OMA1: variants seen among roughly 807,000 people sequenced by gnomAD.
OMA1 encodes OMA1 zinc metallopeptidase.
Under a neutral mutation model 30.9 loss-of-function variants are expected in OMA1, and 38 were observed. That is an observed-to-expected ratio of 1.23 (90% CI 0.95 to 1.61). The LOEUF is 1.61. Ranked by LOEUF, OMA1 falls within the 40% of genes most tolerant of loss-of-function variation. OMA1 has a pLI of 0.00. For missense variants in OMA1, 461 were observed against 349.2 expected (o/e 1.32, Z -2.55); for synonymous variants, 173 against 121.9 (o/e 1.42, Z -2.76).
At chr1:58,500,178 T>C (rs1163534215) in intron 8 of OMA1, among the ~76,000 whole-genome samples, 2 of 152,186 alleles carry the variant, frequency 1.3e-5, no homozygotes, top group African/African-American at 2.4e-5. Context: ...ACACATCACA[T>C]GCACCATAAT....
chr1:58,543,253 T>G (rs781762365), intron 1 of OMA1, among the ~76,000 whole-genome samples: 1 of 152,364 alleles, frequency 6.6e-6, no homozygotes, highest in African/African-American at 2.4e-5. Context: ...GTTATACATT[T>G]GTTTTTGTAA....
chr1:58,543,671 T>C (rs983377044), intron 1 of OMA1, among the ~76,000 whole-genome samples: 4 of 152,188 alleles, frequency 2.6e-5, no homozygotes, highest in Non-Finnish European at 4.4e-5. Flanking sequence ...CAGGTAATCA[T>C]TTAAAAAATG....
chr1:58,502,622 TGTA>T (rs909642594), intron 8 of OMA1, among the ~76,000 whole-genome samples: 6 of 152,200 alleles, frequency 3.9e-5, no homozygotes, highest in Admixed American at 3.3e-4. Context: ...AATTTCAAAA[TGTA>T]GTAGTAGTAT....
chr1:58,509,711 G>C (rs1222496714), intron 7 of OMA1, among the ~76,000 whole-genome samples: 2 of 150,462 alleles, frequency 1.3e-5, no homozygotes, highest in Non-Finnish European at 3.0e-5. Context: ...TTAAAACTAA[G>C]AGCTTTTTGG....
chr1:58,509,701 T>A (rs1490828820), intron 7 of OMA1, among the ~76,000 whole-genome samples: 4 of 148,084 alleles, frequency 2.7e-5, no homozygotes, highest in East Asian at 4.0e-4. Flanking sequence ...TAGAAAAAAA[T>A]TAAAACTAAG....
intron 8 of OMA1, among the ~76,000 whole-genome samples, chr1:58,486,654 A>G (rs1214704338): frequency 6.6e-6 from 1 of 152,232 alleles, no homozygotes; most frequent in East Asian, 1.9e-4. Flanking sequence ...AGGTAATTTT[A>G]GTTAAGTACA....
Position 58,488,064 on chromosome 1 carries a change from T to C in OMA1, c.1366-6890A>G, listed in dbSNP as rs961875576. Among the ~76,000 whole-genome samples, 3 of 152,190 alleles carry C rather than the reference T, an allele frequency of 2.0e-5. No individual in the cohort carries two copies. The South Asian group carries it at 6.2e-4, about 31-fold the overall frequency. ...TATTTGAGACATTTATAGTTCTATA[T>C]TTCTTTTCTCTTTTTCTAATATAGA... On this transcript the variant is annotated intron_variant, in intron 8 of 8. Coordinates refer to ENST00000371226, the MANE Select transcript of OMA1 (RefSeq NM_145243.5).
intron 1 of OMA1, among the ~76,000 whole-genome samples, chr1:58,546,280 C>T (rs910155461): frequency 1.3e-5 from 2 of 152,234 alleles, no homozygotes; most frequent in South Asian, 2.1e-4. Flanking sequence ...AGGCGGTCCC[C>T]TCTGGCAGAG....
At chr1:58,533,166 C>A (rs559470485) in intron 5 of OMA1, among the ~76,000 whole-genome samples, 74 of 152,192 alleles carry the variant, frequency 4.9e-4, no homozygotes, top group African/African-American at 1.8e-3. Context: ...TTTTCCTGGA[C>A]TTATATCAAG....
At chr1:58,513,517 C>T (rs1646113387) in intron 7 of OMA1, among the ~76,000 whole-genome samples, 1 of 152,160 alleles carries the variant, frequency 6.6e-6, no homozygotes, top group Admixed American at 6.5e-5. Flanking sequence ...GGTAACCTTT[C>T]CTTCTTAAAA....
At chr1:58,525,337 C>T (rs181391972) in intron 7 of OMA1, among the ~76,000 whole-genome samples, 163 of 152,132 alleles carry the variant, frequency 1.1e-3, no homozygotes, top group African/African-American at 3.9e-3. Flanking sequence ...TGGATCTACA[C>T]AGCTCAAAAA....
intron 8 of OMA1, among the ~76,000 whole-genome samples, chr1:58,493,219 C>T (rs1407886500): frequency 1.3e-5 from 2 of 152,074 alleles, no homozygotes; most frequent in Non-Finnish European, 2.9e-5. Flanking sequence ...TTCAACAGCC[C>T]TTCATGCTAA....
chr1:58,517,418 C>T (rs376172736), intron 7 of OMA1, among the ~76,000 whole-genome samples: 75 of 152,306 alleles, frequency 4.9e-4, no homozygotes, highest in African/African-American at 1.8e-3. Context: ...AAACACTACA[C>T]CTATCAACAT....
chr1:58,534,452 TG>T (rs1374712693), intron 3 of OMA1, 121 bp from the exon 4 acceptor site: 53 of 563,158 alleles, frequency 9.4e-5, no homozygotes, highest in Non-Finnish European at 1.6e-4. Context: ...TATAAAAATC[TG>T]CATATATTAA....
chr1:58,490,190 T>C (rs540872712), intron 8 of OMA1, among the ~76,000 whole-genome samples: 234 of 152,206 alleles, frequency 1.5e-3, no homozygotes, highest in Non-Finnish European at 2.7e-3. Flanking sequence ...GTTAAAAATC[T>C]TGAAAAAAGA....
intron 7 of OMA1, among the ~76,000 whole-genome samples, chr1:58,510,145 C>A: frequency 1.3e-5 from 1 of 76,654 alleles, no homozygotes; most frequent in African/African-American, 7.0e-5. Context: ...ATGAGGCCAG[C>A]CATTACCCTG....
At chr1:58,494,048 T>C (rs1168252741) in intron 8 of OMA1, among the ~76,000 whole-genome samples, 1 of 152,072 alleles carries the variant, frequency 6.6e-6, no homozygotes, top group Non-Finnish European at 1.5e-5. Flanking sequence ...CAAAACAGCA[T>C]GGTACTGGTA....
Position 58,534,034 on chromosome 1 carries a change from T to C in OMA1, c.930A>G (p.Gly310=). ...GAATATCGGTTACACTATTTAAAAA[T>C]CCAGTGAAAACAAACATTTGTCCAT... The part of the protein sequence containing the change: ...LPNGQMFVFT[G]FLNSVTDIHQ... The change falls in exon 5 of 9, where the codon GGA becomes GGG. Residue 310 remains glycine, a synonymous_variant. Coordinates refer to ENST00000371226, the MANE Select transcript of OMA1 (RefSeq NM_145243.5). 1 of 870,760 alleles carries C rather than the reference T, an allele frequency of 1.1e-6. No individual in the cohort carries two copies. 53.9% of individuals were successfully genotyped at this position (870,760 alleles called of 1,614,324 possible).
chr1:58,481,035 T>C lies in OMA1; in HGVS notation c.1505A>G (p.Asp502Gly), dbSNP rs149689309. 231 of 871,920 alleles carry C rather than the reference T, an allele frequency of 2.6e-4. 1 individual carries two copies. The highest frequency in any genetic ancestry group is 1.9e-3 in the South Asian group (145 of 76,518). 54.0% of individuals were successfully genotyped at this position (871,920 alleles called of 1,614,324 possible). The change falls in exon 9 of 9, where the codon GAT (aspartate) becomes GGT (glycine). Residue 502 changes from aspartate (D) to glycine (G), a missense_variant. Physicochemically the swap from Asp to Gly is moderately conservative, Grantham distance 94 (BLOSUM62 -1). Coordinates refer to ENST00000371226, the MANE Select transcript of OMA1 (RefSeq NM_145243.5). Reference sequence around the variant, plus strand: ...CTCCTGTTTTTGAATAGGAAGAGTATCCATTTTCTGTTTCTTCGTGATATT... The same window carrying C: ...CTCCTGTTTTTGAATAGGAAGAGTACCCATTTTCTGTTTCTTCGTGATATT... ...DLNITKKQKMDTLPIQKQEQI... is the reference protein window; with the variant it reads ...DLNITKKQKMGTLPIQKQEQI...
Sources: allele counts gnomAD v4.1 joint callset (sites outside exome capture counted in the v4.1 genomes callset), GRCh38; gene constraint gnomAD v4.1.1; transcripts MANE v1.5; gene names NCBI Gene and HGNC (gene_info 2026-07-23, HGNC 2026-07-21).